Variants in NKAIN3 observed in about 807,000 individuals in gnomAD.
NKAIN3 encodes sodium/potassium transporting ATPase interacting 3.
NKAIN3 carries 25 observed loss-of-function variants against 30.2 expected under a neutral mutation model. That is an observed-to-expected ratio of 0.83 (90% CI 0.60 to 1.16). NKAIN3 has a LOEUF of 1.16. NKAIN3 is among the 50% of genes most tolerant of loss of function. The pLI, the probability that NKAIN3 is intolerant of heterozygous loss-of-function variation, is 0.00. For synonymous variants in NKAIN3, 91 were observed against 89.6 expected, an observed-to-expected ratio of 1.02 and a Z score of -0.09; for missense variants, 225 against 254.1, an observed-to-expected ratio of 0.89 and a Z score of 0.78.
chr8:62,481,975 T>C (rs1180300211), intron 1 of NKAIN3, among the ~76,000 whole-genome samples: 1 of 152,180 alleles, frequency 6.6e-6, no homozygotes, highest in Non-Finnish European at 1.5e-5. Context: ...CAGCCCATAA[T>C]GCAGCTGAGC....
chr8:62,624,594 G>A (rs777981155), intron 3 of NKAIN3, among the ~76,000 whole-genome samples: 10 of 151,216 alleles, frequency 6.6e-5, no homozygotes, highest in East Asian at 3.9e-4. Flanking sequence ...TTTGTTTGAC[G>A]TTTATCTGTT....
At chr8:62,691,478 T>A (rs1467953831) in intron 3 of NKAIN3, among the ~76,000 whole-genome samples, 3 of 152,208 alleles carry the variant, frequency 2.0e-5, no homozygotes, top group Admixed American at 2.0e-4. Context: ...TTGAATATTT[T>A]CAAGTAGATT....
chr8:62,805,804 G>C (rs1443443375), intron 4 of NKAIN3, among the ~76,000 whole-genome samples: 1 of 152,126 alleles, frequency 6.6e-6, no homozygotes, highest in Non-Finnish European at 1.5e-5. Context: ...GGACAAATGG[G>C]ATCTAATTAA....
intron 5 of NKAIN3, among the ~76,000 whole-genome samples, chr8:62,927,154 C>T (rs528987338): frequency 1.3e-5 from 2 of 152,214 alleles, no homozygotes; most frequent in East Asian, 1.9e-4. Flanking sequence ...GCAAAGTGGC[C>T]GAGACTGACA....
intron 1 of NKAIN3, among the ~76,000 whole-genome samples, chr8:62,434,646 T>C (rs1263925665): frequency 1.3e-5 from 2 of 152,194 alleles, no homozygotes; most frequent in East Asian, 3.9e-4. Flanking sequence ...GCATTCCTTC[T>C]AATAAAGTCT....
chr8:62,646,958 G>T (rs1480706992), intron 3 of NKAIN3, among the ~76,000 whole-genome samples: 3 of 152,038 alleles, frequency 2.0e-5, no homozygotes, highest in Admixed American at 1.3e-4. Context: ...CAGCACAAAG[G>T]CCCTGGCAAG....
chr8:62,937,245 T>A (rs1173768113), intron 5 of NKAIN3, among the ~76,000 whole-genome samples: 3 of 152,052 alleles, frequency 2.0e-5, no homozygotes, highest in Non-Finnish European at 4.4e-5. Flanking sequence ...GAACTTTTGT[T>A]CCAAGAACTA....
chr8:62,417,603 T>C (rs1804489565), intron 1 of NKAIN3, among the ~76,000 whole-genome samples: 2 of 152,122 alleles, frequency 1.3e-5, no homozygotes, highest in Admixed American at 1.3e-4. Context: ...TATACAAGAG[T>C]TCTCTTTTTT....
At chr8:62,383,538 A>G (rs766353290) in intron 1 of NKAIN3, 1 of 455,484 alleles carries the variant, frequency 2.2e-6, no homozygotes, top group Non-Finnish European at 4.4e-6. Context: ...GATTATCTTA[A>G]TGGCATCTTG....
At chr8:62,338,668 C>T (rs572104404) in intron 1 of NKAIN3, among the ~76,000 whole-genome samples, 4 of 151,908 alleles carry the variant, frequency 2.6e-5, no homozygotes, top group Non-Finnish European at 4.4e-5. Flanking sequence ...AGGCCATCTG[C>T]AAGCTGAGGA....
intron 1 of NKAIN3, among the ~76,000 whole-genome samples, chr8:62,572,255 T>C (rs1809967999): frequency 6.6e-6 from 1 of 152,190 alleles, no homozygotes; most frequent in East Asian, 1.9e-4. Flanking sequence ...GTCTCTTTGC[T>C]TAAACATAAC....
chr8:62,530,450 G>T (rs1808453440), intron 1 of NKAIN3, among the ~76,000 whole-genome samples: 1 of 151,996 alleles, frequency 6.6e-6, no homozygotes, highest in African/African-American at 2.4e-5. Context: ...ATACTCACTG[G>T]CTCTGCTGCT....
At chr8:62,803,092 G>A (rs991461485) in intron 4 of NKAIN3, among the ~76,000 whole-genome samples, 1 of 152,044 alleles carries the variant, frequency 6.6e-6, no homozygotes, top group Non-Finnish European at 1.5e-5. Flanking sequence ...CACCCAATAT[G>A]AGAGCACCCA....
intron 4 of NKAIN3, among the ~76,000 whole-genome samples, chr8:62,769,356 A>G (rs1431494621): frequency 2.0e-5 from 3 of 152,230 alleles, no homozygotes; most frequent in African/African-American, 7.2e-5. Flanking sequence ...AATTCAAAAT[A>G]TCAATACATG....
At chr8:62,572,617 A>T (rs539756360) in intron 1 of NKAIN3, among the ~76,000 whole-genome samples, 2 of 152,314 alleles carry the variant, frequency 1.3e-5, no homozygotes, top group Non-Finnish European at 2.9e-5. Flanking sequence ...TTGGATTTAT[A>T]GTTCCACATG....
chr8:62,796,383 CAAAAAAA>C (rs71255362), intron 4 of NKAIN3, among the ~76,000 whole-genome samples: 2 of 53,744 alleles, frequency 3.7e-5, no homozygotes, highest in African/African-American at 1.7e-4. Flanking sequence ...GACTCTGTCT[CAAAAAAA>C]AAAAAAAAAA....
chr8:62,429,350 AATTT>A (rs1478338469), intron 1 of NKAIN3, among the ~76,000 whole-genome samples: 2 of 151,868 alleles, frequency 1.3e-5, no homozygotes, highest in Non-Finnish European at 2.9e-5. Context: ...CTCTTTCTAG[AATTT>A]ATTGAATGTT....
At chr8:62,531,606 G>A (rs780770028) in intron 1 of NKAIN3, among the ~76,000 whole-genome samples, 16 of 152,130 alleles carry the variant, frequency 1.1e-4, no homozygotes, top group Non-Finnish European at 2.4e-4. Context: ...CTCTTCAAGG[G>A]CAGGGACATG....
chr8:62,856,673 A>G (rs2130782129), intron 4 of NKAIN3: 3 of 767,826 alleles, frequency 3.9e-6, no homozygotes, highest in South Asian at 2.8e-5. Flanking sequence ...TGAGTGAGTC[A>G]TCAGATCTGT....
Sources: allele counts gnomAD v4.1 joint callset (sites outside exome capture counted in the v4.1 genomes callset), GRCh38; gene constraint gnomAD v4.1.1; transcripts MANE v1.5; gene names NCBI Gene and HGNC (gene_info 2026-07-23, HGNC 2026-07-21).